The following PLXNC1 variants were observed in gnomAD, a reference collection of about 807,000 sequenced individuals.
PLXNC1 encodes the protein plexin C1, also known as plexin-C1.
PLXNC1 carries 75 observed loss-of-function variants against 178.2 expected under a neutral mutation model. That is an observed-to-expected ratio of 0.42 (90% CI 0.35 to 0.51). The LOEUF (loss-of-function observed/expected upper bound fraction) is 0.51, where lower values mean the gene tolerates loss of function less well. Ranked by LOEUF, PLXNC1 falls within the 20% of genes least tolerant of loss-of-function variation. The pLI, the probability that PLXNC1 is intolerant of heterozygous loss-of-function variation, is 0.02. For synonymous variants in PLXNC1, 790 were observed against 779.9 expected (o/e 1.01, Z -0.22); for missense variants, 1,503 against 1,984.4 (o/e 0.76, Z 4.61).
chr12:94,268,105 C>T (rs1051218663), intron 21 of PLXNC1, among the ~76,000 whole-genome samples: 1 of 152,094 alleles, frequency 6.6e-6, no homozygotes, highest in African/African-American at 2.4e-5. Context: ...GGCAGGGACA[C>T]GTTTGGAAAA....
At position 94,184,011 on chromosome 12, in the gene PLXNC1, G is replaced by A. The variant is rs548107073; in HGVS notation, c.1339-2362G>A. ...CCATAAAATGGTATGATACGGGGCC[G>A]CTAAAAATAATCATATGGAGATGTA... On this transcript the variant is annotated intron_variant, in intron 3 of 30. Transcript: ENST00000258526. 3.2e-4 allele frequency among the ~76,000 whole-genome samples: 49 copies of A among 152,194 alleles called. 1 individual carries two copies. Among genetic ancestry groups the A allele is most frequent in the Non-Finnish European group, 5.4e-4 (37 of 68,014 alleles).
At chr12:94,247,287 C>T (rs1469921585) in intron 12 of PLXNC1, among the ~76,000 whole-genome samples, 1 of 151,998 alleles carries the variant, frequency 6.6e-6, no homozygotes, top group Non-Finnish European at 1.5e-5. Context: ...TTTTCATGCT[C>T]TTCATTTCAT....
In PLXNC1 at chr12:94,207,430, T is replaced by G. The variant is rs1004670951; in HGVS notation, c.1440-2160T>G. On this transcript the variant is annotated intron_variant, in intron 4 of 30. Coordinates refer to ENST00000258526, the MANE Select transcript of PLXNC1 (RefSeq NM_005761.3). ...TTTGCTTGTTTTAAAAATAGTCTCT[T>G]TGGCATGAGGAGGAGTCAGACATGA... Among the ~76,000 whole-genome samples, 6 of 152,166 alleles carry G rather than the reference T, an allele frequency of 3.9e-5. 1 individual carries two copies. The East Asian group carries it at 1.2e-3, about 29-fold the overall frequency.
chr12:94,304,059 T>C lies in PLXNC1; in HGVS notation c.4602+8T>C, dbSNP rs1449288099. 1 of 1,465,940 alleles carries C rather than the reference T, an allele frequency of 6.8e-7. No individual in the cohort carries two copies. The highest frequency in any genetic ancestry group is 9.5e-7 in the Non-Finnish European group (1 of 1,050,278). The allele number at this position is 1,465,940 out of a possible 1,614,324, so 90.8% of individuals were successfully genotyped here. ...GTAAAATATTTTGATGAGGTAAGAT[T>C]TTAAATAACATTGTTTTTAACCTTT... On this transcript the variant is annotated splice_region_variant and intron_variant, in intron 30 of 30. Transcript: ENST00000258526.
chr12:94,185,699 C>T lies in PLXNC1; in HGVS notation c.1339-674C>T, dbSNP rs916005462. 3.3e-5 allele frequency among the ~76,000 whole-genome samples: 5 copies of T among 152,330 alleles called. 1 individual carries two copies. Among genetic ancestry groups the T allele is most frequent in the South Asian group, 2.1e-4 (1 of 4,828 alleles). ...CAAAACAAGCCAGGAGCTGAGGTGA[C>T]GGCGCTGCCCCTGGCAGGGGTGTGG... On this transcript the variant is annotated intron_variant, in intron 3 of 30. Coordinates refer to ENST00000258526, the MANE Select transcript of PLXNC1 (RefSeq NM_005761.3).
At chr12:94,181,842 G>A (rs1316865764) in intron 3 of PLXNC1, among the ~76,000 whole-genome samples, 3 of 152,094 alleles carry the variant, frequency 2.0e-5, no homozygotes, top group Non-Finnish European at 4.4e-5. Flanking sequence ...GGGTGTGCTT[G>A]GAAATGGGCG....
chr12:94,191,769 CA>C (rs58096506), intron 4 of PLXNC1, among the ~76,000 whole-genome samples: 14 of 141,228 alleles, frequency 9.9e-5, no homozygotes, highest in Middle Eastern at 3.6e-3. Flanking sequence ...AACTCCATCT[CA>C]AAAAAAAAAA....
At chr12:94,215,317 C>A (rs1963611586) in intron 5 of PLXNC1, among the ~76,000 whole-genome samples, 1 of 152,156 alleles carries the variant, frequency 6.6e-6, no homozygotes, top group East Asian at 1.9e-4. Flanking sequence ...ACATCTTGAA[C>A]ATATTCAGGC....
chr12:94,234,948 CAACCA>C (rs1169212932), intron 9 of PLXNC1, among the ~76,000 whole-genome samples: 1 of 152,194 alleles, frequency 6.6e-6, no homozygotes, highest in Admixed American at 6.5e-5. Context: ...AGAATTGTTG[CAACCA>C]TACAGGGCAG....
intron 2 of PLXNC1, among the ~76,000 whole-genome samples, chr12:94,178,515 C>G (rs1962185600): frequency 6.6e-6 from 1 of 152,196 alleles, no homozygotes; most frequent in South Asian, 2.1e-4. Context: ...CTTTCCAGAA[C>G]CAGATCAACT....
intron 23 of PLXNC1, among the ~76,000 whole-genome samples, chr12:94,289,554 C>T (rs1308988944): frequency 6.6e-6 from 1 of 152,132 alleles, no homozygotes; most frequent in Non-Finnish European, 1.5e-5. Flanking sequence ...CCCTGCCTCA[C>T]AGGACTAGGG....
chr12:94,232,827 A>G (rs1796116346), intron 9 of PLXNC1, among the ~76,000 whole-genome samples: 1 of 152,170 alleles, frequency 6.6e-6, no homozygotes, highest in African/African-American at 2.4e-5. Context: ...CAATGGACCT[A>G]TTTTCCCCAT....
rs571034464 is a variant in PLXNC1, at chr12:94,248,926, G to A, written c.2778+514G>A. ...CTTTTCCCAGATATGTTTGGGGGACGGATCACTGCTATATTTATATCCCAT... is the reference window on the plus strand; with the variant it reads ...CTTTTCCCAGATATGTTTGGGGGACAGATCACTGCTATATTTATATCCCAT... On this transcript the variant is annotated intron_variant, in intron 14 of 30. Coordinates refer to ENST00000258526, the MANE Select transcript of PLXNC1 (RefSeq NM_005761.3). Among the ~76,000 whole-genome samples the A allele has an allele frequency of 1.6e-4, 25 of 152,074 alleles. No individual in the cohort carries two copies. In the South Asian group the frequency reaches 4.4e-3, roughly 27 times the overall value.
At position 94,179,294 on chromosome 12, in the gene PLXNC1, G is replaced by T. The variant is rs189747355; in HGVS notation, c.1204-2152G>T. Among the ~76,000 whole-genome samples the T allele has an allele frequency of 4.6e-5, 7 of 152,328 alleles. No individual in the cohort carries two copies. In the East Asian group the frequency reaches 1.3e-3, roughly 29 times the overall value. ...CTTTTGAAACCATGCGCCCAATGTG[G>T]CTGATGTCTACAGTGGTAGAGATAT... is the stretch of plus-strand genomic sequence containing the variant. On this transcript the variant is annotated intron_variant, in intron 2 of 30. Coordinates refer to ENST00000258526, the MANE Select transcript of PLXNC1 (RefSeq NM_005761.3).
intron 9 of PLXNC1, among the ~76,000 whole-genome samples, chr12:94,234,191 C>G (rs1197752828): frequency 6.6e-6 from 1 of 152,048 alleles, no homozygotes; most frequent in Non-Finnish European, 1.5e-5. Context: ...AAACTGAGCC[C>G]TCCTAATGCA....
chr12:94,175,128 T>G (rs1962002646), intron 2 of PLXNC1, among the ~76,000 whole-genome samples: 3 of 152,198 alleles, frequency 2.0e-5, no homozygotes, highest in African/African-American at 7.2e-5. Flanking sequence ...TGCACAGGCA[T>G]GCACGTGTGT....
chr12:94,210,075 T>G (rs1963422107), intron 5 of PLXNC1, among the ~76,000 whole-genome samples: 1 of 144,736 alleles, frequency 6.9e-6, no homozygotes, highest in African/African-American at 2.4e-5. Flanking sequence ...ACGAGATACC[T>G]TAAAGGTGGC....
At chr12:94,208,173 T>C (rs1294733667) in intron 4 of PLXNC1, among the ~76,000 whole-genome samples, 1 of 152,220 alleles carries the variant, frequency 6.6e-6, no homozygotes, top group African/African-American at 2.4e-5. Context: ...AATTTATGGC[T>C]TTGGAGAATT....
chr12:94,188,323 CTTT>C (rs141025919), intron 4 of PLXNC1, among the ~76,000 whole-genome samples: 7 of 127,782 alleles, frequency 5.5e-5, no homozygotes, highest in Non-Finnish European at 9.6e-5. Flanking sequence ...TCTTTTTGTC[CTTT>C]TTTTTTTTTT....
Sources: gnomAD v4.1 joint callset for allele counts (sites outside exome capture counted in the v4.1 genomes callset) on GRCh38, gnomAD v4.1.1 for gene constraint, MANE v1.5 for transcripts, NCBI Gene and HGNC (gene_info 2026-07-23, HGNC 2026-07-21) for gene names.